The following DLGAP2 variants were observed in gnomAD, a reference collection of about 807,000 sequenced individuals.
The protein encoded by DLGAP2 is disks large-associated protein 2.
In DLGAP2, 26 loss-of-function variants were observed where a neutral mutation model predicts 100.3. The observed-to-expected ratio is 0.26, with a 90% confidence interval of 0.19 to 0.36. The LOEUF is 0.36. DLGAP2 is among the 10% of genes least tolerant of loss of function. DLGAP2 has a pLI of 1.00. For missense variants in DLGAP2, 1,858 were observed against 1,453.2 expected (o/e 1.28, Z -4.53); for synonymous variants, 886 against 630.1 (o/e 1.41, Z -6.08).
At chr8:1,146,544 T>C (rs1796609160) in intron 2 of DLGAP2, among the ~76,000 whole-genome samples, 1 of 151,992 alleles carries the variant, frequency 6.6e-6, no homozygotes, top group Non-Finnish European at 1.5e-5. Context: ...ACCTGTAATA[T>C]CTCTGGAACT....
At chr8:1,080,683 G>T (rs982250627) in intron 2 of DLGAP2, among the ~76,000 whole-genome samples, 1 of 152,172 alleles carries the variant, frequency 6.6e-6, no homozygotes, top group African/African-American at 2.4e-5. Flanking sequence ...CTCGGTAAAG[G>T]GCTGTTGAAC....
chr8:1,146,448 A>G (rs1479710846), intron 2 of DLGAP2, among the ~76,000 whole-genome samples: 1 of 152,192 alleles, frequency 6.6e-6, no homozygotes, highest in East Asian at 1.9e-4. Context: ...AGAGGTTCTT[A>G]CATGTAATTC....
At chr8:1,229,679 G>T (rs1798493638) in intron 2 of DLGAP2, among the ~76,000 whole-genome samples, 1 of 152,166 alleles carries the variant, frequency 6.6e-6, no homozygotes, top group Admixed American at 6.5e-5. Flanking sequence ...CCACAATCAA[G>T]TAGGCTTCAT....
chr8:1,180,023 AT>A (rs990074541), intron 2 of DLGAP2, among the ~76,000 whole-genome samples: 32 of 152,194 alleles, frequency 2.1e-4, no homozygotes, highest in South Asian at 6.2e-4. Flanking sequence ...TGAACACATA[AT>A]TTTTTTATTT....
intron 2 of DLGAP2, among the ~76,000 whole-genome samples, chr8:1,244,052 G>A (rs193073501): frequency 9.9e-5 from 15 of 152,192 alleles, no homozygotes; most frequent in African/African-American, 1.7e-4. Context: ...CCCAGCCTCC[G>A]CACTCCACCG....
At chr8:1,512,266 T>C (rs1485120174) in intron 4 of DLGAP2, among the ~76,000 whole-genome samples, 1 of 152,170 alleles carries the variant, frequency 6.6e-6, no homozygotes, top group Non-Finnish European at 1.5e-5. Flanking sequence ...GAAACAAATG[T>C]CCCATAAACT....
intron 8 of DLGAP2, among the ~76,000 whole-genome samples, chr8:1,666,764 G>C (rs1283766967): frequency 2.6e-5 from 4 of 152,238 alleles, no homozygotes; most frequent in East Asian, 1.9e-4. Flanking sequence ...TGGCAGGCTT[G>C]TTTTGTCGTT....
chr8:1,339,930 C>T (rs370063266), intron 3 of DLGAP2, among the ~76,000 whole-genome samples: 12 of 152,180 alleles, frequency 7.9e-5, no homozygotes, highest in African/African-American at 2.7e-4. Context: ...GGAAGCTGTG[C>T]AAACAGCTAG....
At chr8:779,178 A>G (rs1337105654) in intron 1 of DLGAP2, among the ~76,000 whole-genome samples, 3 of 152,226 alleles carry the variant, frequency 2.0e-5, no homozygotes, top group Non-Finnish European at 4.4e-5. Flanking sequence ...CGAGTGAGGC[A>G]ATGCCTCGCC....
intron 3 of DLGAP2, among the ~76,000 whole-genome samples, chr8:1,465,618 C>G (rs1798605936): frequency 6.6e-6 from 1 of 152,206 alleles, no homozygotes; most frequent in African/African-American, 2.4e-5. Flanking sequence ...TGTCTGGAAG[C>G]TCCACAAAAA....
chr8:1,009,171 C>A (rs1349084271), intron 2 of DLGAP2, among the ~76,000 whole-genome samples: 1 of 152,180 alleles, frequency 6.6e-6, no homozygotes, highest in Non-Finnish European at 1.5e-5. Context: ...TCCTGCTTTC[C>A]AATCTCCTAA....
chr8:1,373,726 C>G (rs1014916387), intron 3 of DLGAP2: 6 of 152,210 alleles, frequency 3.9e-5, no homozygotes, highest in African/African-American at 1.4e-4. Flanking sequence ...ACGCTGTGGC[C>G]TCTCCAGCTC....
At chr8:1,117,574 T>C (rs1473560091) in intron 2 of DLGAP2, among the ~76,000 whole-genome samples, 2 of 151,266 alleles carry the variant, frequency 1.3e-5, no homozygotes, top group Non-Finnish European at 2.9e-5. Context: ...AACAGGCTCA[T>C]GGTGGGAAGA....
chr8:1,128,201 G>A (rs184251526), intron 2 of DLGAP2, among the ~76,000 whole-genome samples: 5 of 144,460 alleles, frequency 3.5e-5, no homozygotes, highest in Middle Eastern at 3.5e-3. Context: ...TGTTGTGTTC[G>A]GTGAGGACCT....
At position 1,259,016 on chromosome 8, in the gene DLGAP2, T is replaced by G. The variant is rs1799287796; in HGVS notation, c.106+133T>G. Reference sequence around the variant, plus strand: ...AGGACGCAGTCTGTGTGCTGTTTGATAGGAACGTGAGTAAAATAATTGAAG... The same window carrying G: ...AGGACGCAGTCTGTGTGCTGTTTGAGAGGAACGTGAGTAAAATAATTGAAG... On this transcript the variant is annotated intron_variant, in intron 3 of 14. Coordinates refer to ENST00000637795, the MANE Select transcript of DLGAP2 (RefSeq NM_001346810.2). The G allele has an allele frequency of 1.1e-5, 8 of 725,926 alleles. No individual in the cohort carries two copies. The South Asian group carries it at 5.8e-4, about 52-fold the overall frequency. The allele number at this position is 725,926 out of a possible 1,614,324, so 45.0% of individuals were successfully genotyped here.
At chr8:1,159,527 T>G (rs542703741) in intron 2 of DLGAP2, among the ~76,000 whole-genome samples, 1 of 152,278 alleles carries the variant, frequency 6.6e-6, no homozygotes, top group South Asian at 2.1e-4. Flanking sequence ...TTTTAGTTAT[T>G]AGAGTTTTTA....
intron 3 of DLGAP2, among the ~76,000 whole-genome samples, chr8:1,481,342 A>T (rs369484171): frequency 2.6e-5 from 4 of 152,178 alleles, no homozygotes; most frequent in African/African-American, 7.2e-5. Context: ...TTCAGAGACC[A>T]GCCTGGAGGT....
intron 4 of DLGAP2, among the ~76,000 whole-genome samples, chr8:1,510,833 C>T (rs570359391): frequency 6.6e-6 from 1 of 152,308 alleles, no homozygotes; most frequent in African/African-American, 2.4e-5. Context: ...AAATAAAAGG[C>T]AAACCTTGCA....
chr8:1,562,539 A>G (rs1230987296), intron 5 of DLGAP2, among the ~76,000 whole-genome samples: 28 of 23,124 alleles, frequency 1.2e-3, no homozygotes, highest in Admixed American at 2.5e-3. Context: ...TTACTGGGGG[A>G]CTGTGTGGTG....
Sources: allele counts gnomAD v4.1 joint callset (sites outside exome capture counted in the v4.1 genomes callset), GRCh38; gene constraint gnomAD v4.1.1; transcripts MANE v1.5; gene names NCBI Gene and HGNC (gene_info 2026-07-23, HGNC 2026-07-21).